The following GRID2 variants were observed in gnomAD, a reference collection of about 807,000 sequenced individuals.
The protein encoded by GRID2 is glutamate receptor ionotropic, delta-2.
A neutral mutation model predicts 114.8 loss-of-function variants in GRID2; 33 were observed. The observed-to-expected ratio is 0.29, with a 90% CI of 0.22 to 0.38. The LOEUF (loss-of-function observed/expected upper bound fraction) is 0.38. GRID2 is among the 10% of genes least tolerant of loss of function. The pLI is 1.00. For missense variants in GRID2, 1,184 were observed against 1,257.7 expected, an observed-to-expected ratio of 0.94 and a Z score of 0.89; for synonymous variants, 505 against 449.9, an observed-to-expected ratio of 1.12 and a Z score of -1.55.
At chr4:92,463,718 G>T (rs1019881774) in intron 1 of GRID2, among the ~76,000 whole-genome samples, 2 of 151,854 alleles carry the variant, frequency 1.3e-5, no homozygotes, top group Non-Finnish European at 2.9e-5. Flanking sequence ...TTTGTGTAGA[G>T]AATCTTGTAT....
At chr4:92,681,344 C>G (rs1040310595) in intron 2 of GRID2, among the ~76,000 whole-genome samples, 1 of 152,140 alleles carries the variant, frequency 6.6e-6, no homozygotes, top group Admixed American at 6.5e-5. Context: ...TGAACCTATG[C>G]ACTGTTCAAA....
chr4:93,578,698 A>G (rs1362961358), intron 13 of GRID2, among the ~76,000 whole-genome samples: 4 of 140,680 alleles, frequency 2.8e-5, no homozygotes, highest in African/African-American at 1.1e-4. Context: ...GGTTCACGCC[A>G]TTCTCCTGCC....
intron 4 of GRID2, among the ~76,000 whole-genome samples, chr4:93,175,056 T>C (rs568464453): frequency 2.1e-4 from 32 of 152,334 alleles, no homozygotes; most frequent in African/African-American, 7.7e-4. Flanking sequence ...CACTTTTTCT[T>C]GGCTAACTGC....
intron 11 of GRID2, among the ~76,000 whole-genome samples, chr4:93,474,169 C>T (rs1305486857): frequency 1.3e-5 from 2 of 152,050 alleles, no homozygotes; most frequent in Admixed American, 6.6e-5. Context: ...TTATATACTA[C>T]TACTAAAATA....
At chr4:93,675,374 A>T (rs1424548694) in intron 14 of GRID2, among the ~76,000 whole-genome samples, 3 of 152,208 alleles carry the variant, frequency 2.0e-5, no homozygotes, top group Non-Finnish European at 4.4e-5. Context: ...GTAGTAGTTA[A>T]AAGTACATGA....
At chr4:92,367,725 T>C (rs953022106) in intron 1 of GRID2, among the ~76,000 whole-genome samples, 2 of 152,090 alleles carry the variant, frequency 1.3e-5, no homozygotes, top group Non-Finnish European at 1.5e-5. Flanking sequence ...AATGGCATGA[T>C]AAGATTTTTA....
intron 2 of GRID2, among the ~76,000 whole-genome samples, chr4:92,900,981 T>G (rs1747543630): frequency 6.6e-6 from 1 of 151,658 alleles, no homozygotes; most frequent in Non-Finnish European, 1.5e-5. Flanking sequence ...GTCATCTGTT[T>G]TAGACACTTA....
At chr4:92,577,567 A>G (rs1727956651) in intron 1 of GRID2, among the ~76,000 whole-genome samples, 1 of 152,212 alleles carries the variant, frequency 6.6e-6, no homozygotes, top group South Asian at 2.1e-4. Flanking sequence ...ATTTTACTCC[A>G]TAATGGAAGA....
chr4:92,991,906 T>A (rs905192497), intron 2 of GRID2, among the ~76,000 whole-genome samples: 1 of 152,214 alleles, frequency 6.6e-6, no homozygotes, highest in African/African-American at 2.4e-5. Context: ...ATAGGAGTGA[T>A]ATTTTTGAAG....
rs183708510 is a variant in GRID2, at chr4:93,190,718, C to A, written c.736-16686C>A. On this transcript the variant is annotated intron_variant, in intron 4 of 15. Transcript: ENST00000282020. The stretch of plus-strand genomic sequence containing the variant: ...TTTAGCAATATGACCTACGCTATTT[C>A]CTAGCTTTAGAGCTAGATCATCCTT... Among the ~76,000 whole-genome samples the A allele has an allele frequency of 2.3e-3, 344 of 152,108 alleles. 5 individuals carry two copies. The highest frequency in any genetic ancestry group is 0.015 in the Admixed American group (225 of 15,256).
chr4:93,632,627 G>T (rs1489693088), intron 14 of GRID2, among the ~76,000 whole-genome samples: 1 of 152,134 alleles, frequency 6.6e-6, no homozygotes, highest in Non-Finnish European at 1.5e-5. Flanking sequence ...TAGACTTGTA[G>T]TATAGTTTGA....
chr4:93,586,932 G>C (rs576978013), intron 13 of GRID2, among the ~76,000 whole-genome samples: 28 of 152,016 alleles, frequency 1.8e-4, no homozygotes, highest in African/African-American at 6.3e-4. Flanking sequence ...AATACATTCA[G>C]GTTGTTAAAA....
intron 8 of GRID2, among the ~76,000 whole-genome samples, chr4:93,350,860 T>C (rs1357541038): frequency 6.6e-6 from 1 of 152,066 alleles, no homozygotes; most frequent in Non-Finnish European, 1.5e-5. Flanking sequence ...AATAAAGACA[T>C]ACCCAAGTCT....
chr4:92,572,694 C>T (rs556606401), intron 1 of GRID2, among the ~76,000 whole-genome samples: 25 of 152,156 alleles, frequency 1.6e-4, no homozygotes, highest in African/African-American at 5.5e-4. Context: ...GGCAGATAAA[C>T]TTTTTGATGT....
chr4:92,478,693 G>C (rs945234898), intron 1 of GRID2, among the ~76,000 whole-genome samples: 4 of 151,998 alleles, frequency 2.6e-5, no homozygotes, highest in African/African-American at 9.7e-5. Context: ...TAAGTAAATG[G>C]CTTACCTTGG....
chr4:93,441,630 A>G (rs138515112), intron 10 of GRID2, among the ~76,000 whole-genome samples: 102 of 152,064 alleles, frequency 6.7e-4, no homozygotes, highest in African/African-American at 2.3e-3. Flanking sequence ...CAATGTTCCA[A>G]CCTCATTTAA....
chr4:93,189,773 CCACACACACACACA>C (rs34137840), intron 4 of GRID2, among the ~76,000 whole-genome samples: 36 of 138,976 alleles, frequency 2.6e-4, no homozygotes, highest in African/African-American at 5.1e-4. Context: ...CCACACCACA[CCACACACACACACA>C]CACACACACA....
At chr4:92,411,443 A>C (rs1050021361) in intron 1 of GRID2, among the ~76,000 whole-genome samples, 1 of 151,956 alleles carries the variant, frequency 6.6e-6, no homozygotes, top group Non-Finnish European at 1.5e-5. Flanking sequence ...TTCACTGTAT[A>C]AACTAAATAT....
At chr4:93,227,966 C>G (rs1745691205) in intron 7 of GRID2, among the ~76,000 whole-genome samples, 1 of 152,182 alleles carries the variant, frequency 6.6e-6, no homozygotes, top group Non-Finnish European at 1.5e-5. Context: ...TCTCCTCTTC[C>G]AAGTCCTCAC....
Sources: gnomAD v4.1 joint callset for allele counts (sites outside exome capture counted in the v4.1 genomes callset) on GRCh38, gnomAD v4.1.1 for gene constraint, MANE v1.5 for transcripts, NCBI Gene and HGNC (gene_info 2026-07-23, HGNC 2026-07-21) for gene names.